The following CNTN4 variants were observed in gnomAD, a reference collection of about 807,000 sequenced individuals.
CNTN4 encodes contactin-4.
Under a neutral mutation model 122.5 loss-of-function variants are expected in CNTN4, and 77 were observed. That is an observed-to-expected ratio of 0.63 (90% confidence interval 0.52 to 0.76). CNTN4 has a LOEUF of 0.76. Ranked by LOEUF, CNTN4 falls within the 30% of genes least tolerant of loss-of-function variation. CNTN4 has a pLI of 0.00. For synonymous variants in CNTN4, 512 were observed against 447.0 expected (o/e 1.15, Z -1.83); for missense variants, 1,256 against 1,259.1 (o/e 1.00, Z 0.04).
intron 3 of CNTN4, among the ~76,000 whole-genome samples, chr3:2,410,526 G>C (rs2047191278): frequency 1.3e-5 from 2 of 152,046 alleles, no homozygotes; most frequent in African/African-American, 2.4e-5. Flanking sequence ...CCTCTCAGAG[G>C]ATATTTGAAG....
intron 4 of CNTN4, among the ~76,000 whole-genome samples, chr3:2,686,117 A>T (rs1216789805): frequency 6.6e-6 from 1 of 152,162 alleles, no homozygotes; most frequent in Non-Finnish European, 1.5e-5. Flanking sequence ...TTTGCTCTGG[A>T]GTGGTCAGGG....
intron 13 of CNTN4, among the ~76,000 whole-genome samples, chr3:2,982,175 T>C (rs1694086860): frequency 6.6e-6 from 1 of 152,234 alleles, no homozygotes; most frequent in African/African-American, 2.4e-5. Context: ...TTTTTCTTCA[T>C]ATTCGGAACT....
chr3:2,929,562 T>C (rs918282119), intron 13 of CNTN4, among the ~76,000 whole-genome samples: 4 of 152,154 alleles, frequency 2.6e-5, no homozygotes, highest in Admixed American at 2.6e-4. Flanking sequence ...CCAGGATGGA[T>C]TGCAACTGCA....
At chr3:3,043,270 T>A in intron 22 of CNTN4, 107 bp downstream of exon 22, 4 of 1,073,102 alleles carry the variant, frequency 3.7e-6, no homozygotes, top group Non-Finnish European at 5.7e-6. Flanking sequence ...ATTAGTAGCA[T>A]GTGGATTCAA....
intron 4 of CNTN4, among the ~76,000 whole-genome samples, chr3:2,700,723 C>T (rs1204213773): frequency 7.2e-5 from 11 of 151,992 alleles, no homozygotes; most frequent in South Asian, 2.1e-4. Flanking sequence ...TTTACTGATC[C>T]GTTTTCCCTA....
intron 3 of CNTN4, among the ~76,000 whole-genome samples, chr3:2,534,379 T>A (rs1400831979): frequency 6.6e-6 from 1 of 152,192 alleles, no homozygotes. Flanking sequence ...TCCCCATTTC[T>A]TGTTTTTGTC....
rs1039278551 is a variant in CNTN4 at position 2,949,393 on chromosome 3, G to A, written c.1358+23614G>A. On this transcript the variant is annotated intron_variant, in intron 13 of 24. Coordinates refer to ENST00000418658, the MANE Select transcript of CNTN4 (RefSeq NM_175607.3). ...ATGAAGTTTGTTTTTTCTGCCTAAC[G>A]TCTAGTACTTCTTTGTCTGAAAGAA... 5.3e-5 allele frequency among the ~76,000 whole-genome samples: 8 copies of A among 152,102 alleles called. No individual in the cohort carries two copies. The South Asian group carries it at 6.2e-4, about 12-fold the overall frequency.
At chr3:2,735,439 G>C (rs2089012521) in intron 4 of CNTN4, among the ~76,000 whole-genome samples, 1 of 152,210 alleles carries the variant, frequency 6.6e-6, no homozygotes, top group African/African-American at 2.4e-5. Flanking sequence ...CATGCATCCA[G>C]TTTCTCTTAT....
chr3:2,166,821 A>G (rs1335159968), intron 2 of CNTN4, among the ~76,000 whole-genome samples: 2 of 152,170 alleles, frequency 1.3e-5, no homozygotes, highest in African/African-American at 4.8e-5. Context: ...ATGCTTATAT[A>G]TTTAAAGATT....
chr3:2,613,829 T>A (rs1004842153), intron 4 of CNTN4, among the ~76,000 whole-genome samples: 31 of 152,154 alleles, frequency 2.0e-4, no homozygotes, highest in Non-Finnish European at 4.4e-5. Flanking sequence ...TGTTTGTTTG[T>A]CTTTCTTAAG....
intron 2 of CNTN4, among the ~76,000 whole-genome samples, chr3:2,124,612 A>G (rs755442288): frequency 1.3e-5 from 2 of 151,728 alleles, no homozygotes; most frequent in Admixed American, 6.6e-5. Context: ...CAACAATGAC[A>G]ACAACAACAA....
chr3:2,808,084 T>C (rs1439496631), intron 6 of CNTN4, among the ~76,000 whole-genome samples: 3 of 152,158 alleles, frequency 2.0e-5, no homozygotes, highest in Non-Finnish European at 4.4e-5. Flanking sequence ...CCTGAAAGGC[T>C]AATAAAAGAA....
intron 3 of CNTN4, among the ~76,000 whole-genome samples, chr3:2,533,014 C>G (rs1420778215): frequency 2.0e-5 from 3 of 152,030 alleles, no homozygotes; most frequent in Non-Finnish European, 4.4e-5. Context: ...CCGCCCAAAT[C>G]TCTAGATGTG....
intron 2 of CNTN4, among the ~76,000 whole-genome samples, chr3:2,280,330 T>C (rs750842010): frequency 6.6e-6 from 1 of 152,166 alleles, no homozygotes; most frequent in African/African-American, 2.4e-5. Flanking sequence ...TTGAGAATTG[T>C]TTATTGTGAT....
intron 13 of CNTN4, among the ~76,000 whole-genome samples, chr3:2,945,989 G>A (rs1272740129): frequency 6.6e-6 from 1 of 152,138 alleles, no homozygotes; most frequent in Non-Finnish European, 1.5e-5. Flanking sequence ...GTAAGAGTAG[G>A]GTCCAGAGAG....
intron 3 of CNTN4, among the ~76,000 whole-genome samples, chr3:2,531,399 G>A (rs982710172): frequency 6.6e-6 from 1 of 152,172 alleles, no homozygotes; most frequent in Admixed American, 6.5e-5. Flanking sequence ...TCAAAGAGAA[G>A]TTTGGAGGAA....
At chr3:2,328,347 G>GCA (rs2043557208) in intron 2 of CNTN4, among the ~76,000 whole-genome samples, 1 of 148,680 alleles carries the variant, frequency 6.7e-6, no homozygotes, top group South Asian at 2.2e-4. Context: ...CGGAGCTTGC[G>GCA]GTGAGCCAAG....
At chr3:2,745,491 G>A (rs1236635251) in intron 5 of CNTN4, 31 bp from the exon 6 acceptor site, 3 of 1,544,954 alleles carry the variant, frequency 1.9e-6, no homozygotes, top group South Asian at 2.2e-5. Context: ...AATATGACAA[G>A]ACTTTATCTA....
intron 3 of CNTN4, among the ~76,000 whole-genome samples, chr3:2,499,878 C>G (rs898338543): frequency 6.6e-5 from 10 of 152,184 alleles, no homozygotes; most frequent in African/African-American, 2.4e-4. Flanking sequence ...GTATGTCTCT[C>G]TGTTTACTTA....
Sources: allele counts gnomAD v4.1 joint callset (sites outside exome capture counted in the v4.1 genomes callset), GRCh38; gene constraint gnomAD v4.1.1; transcripts MANE v1.5; gene names NCBI Gene and HGNC (gene_info 2026-07-23, HGNC 2026-07-21).